The following TMEM182 variants were observed in gnomAD, a reference collection of about 807,000 sequenced individuals.
TMEM182 encodes transmembrane protein 182.
TMEM182 carries 20 observed loss-of-function variants against 26.8 expected under a neutral mutation model. That is an observed-to-expected ratio of 0.75 (90% CI 0.53 to 1.09). The LOEUF is 1.09. Among genes scored for constraint, TMEM182 ranks in the 50% least tolerant of loss-of-function variants. The pLI is 0.00. For synonymous variants in TMEM182, 109 were observed against 102.2 expected, an observed-to-expected ratio of 1.07 and a Z score of -0.40; for missense variants, 277 against 275.5, an observed-to-expected ratio of 1.01 and a Z score of -0.04.
chr2:102,838,584 G>T (rs550476937), intron 3 of TMEM182, among the ~76,000 whole-genome samples: 1 of 152,204 alleles, frequency 6.6e-6, no homozygotes, highest in East Asian at 1.9e-4. Context: ...TTCCTAATGG[G>T]GTGCCCCTTT....
At chr2:102,797,753 T>C (rs1461127913) in intron 3 of TMEM182, 110 bp from the exon 4 acceptor site, 31 of 1,336,716 alleles carry the variant, frequency 2.3e-5, no homozygotes, top group Middle Eastern at 5.4e-4. Flanking sequence ...AGCAGTGCCA[T>C]AGCTGAAATT....
intron 4 of TMEM182, among the ~76,000 whole-genome samples, chr2:102,814,146 C>T (rs1000791584): frequency 2.6e-5 from 4 of 151,052 alleles, no homozygotes; most frequent in Non-Finnish European, 4.4e-5. Context: ...TATGTTTGTT[C>T]AGTGTTTTCA....
intron 4 of TMEM182, among the ~76,000 whole-genome samples, chr2:102,806,369 C>T (rs896206564): frequency 3.3e-5 from 5 of 152,134 alleles, no homozygotes; most frequent in Non-Finnish European, 5.9e-5. Context: ...TCAATACGAA[C>T]GAGCTTGAGC....
chr2:102,842,035 C>T (rs1466337541), intron 3 of TMEM182, among the ~76,000 whole-genome samples: 2 of 152,048 alleles, frequency 1.3e-5, no homozygotes, highest in African/African-American at 2.4e-5. Context: ...ATTTCATTAT[C>T]GTTCTAATAT....
At position 102,815,119 on chromosome 2, in the gene TMEM182, A is replaced by G. The variant is rs1455386839; in HGVS notation, c.*151A>G. ...TCATTTTACTAAAATTTTCTTCAGT[A>G]AGAAGGTCCTAGAATCTCTCCAGAC... On this transcript the variant is annotated 3_prime_UTR_variant, in exon 5 of 5. Transcript: ENST00000412401. 1.4e-6 allele frequency: 2 copies of G among 1,439,920 alleles called. No homozygotes were observed. Among genetic ancestry groups the G allele is most frequent in the Non-Finnish European group, 1.8e-6 (2 of 1,105,486 alleles). The allele number at this position is 1,439,920 out of a possible 1,614,324, so 89.2% of individuals were successfully genotyped here.
chr2:102,821,880 C>T (rs183096995), downstream of TMEM182, among the ~76,000 whole-genome samples: 1,596 of 151,240 alleles, frequency 0.011, 28 homozygotes, highest in African/African-American at 0.031. Flanking sequence ...CCCAGCTACT[C>T]GGGAGGCTGA....
chr2:102,786,075 A>T (rs1272387797), intron 3 of TMEM182, among the ~76,000 whole-genome samples: 17 of 149,248 alleles, frequency 1.1e-4, no homozygotes, highest in Admixed American at 1.1e-3. Flanking sequence ...AAATCAGTGA[A>T]TGAGGAAATT....
chr2:102,839,447 CTATA>C (rs10691405), intron 3 of TMEM182, among the ~76,000 whole-genome samples: 1,571 of 134,398 alleles, frequency 0.012, 46 homozygotes, highest in African/African-American at 0.041. Flanking sequence ...TGATGTTTTG[CTATA>C]TATATATATA....
chr2:102,823,535 A>G (rs1214713995), intron 3 of TMEM182, among the ~76,000 whole-genome samples: 2 of 151,856 alleles, frequency 1.3e-5, no homozygotes, highest in East Asian at 3.9e-4. Context: ...GGGTTTCACT[A>G]TGTTGGCCAG....
At position 102,764,367 on chromosome 2, in the gene TMEM182, C is replaced by A; in HGVS notation, c.271C>A (p.Leu91Met). 5.0e-6 allele frequency: 8 copies of A among 1,613,994 alleles called. No individual in the cohort carries two copies. The highest frequency in any genetic ancestry group is 6.8e-6 in the Non-Finnish European group (8 of 1,179,926). The change falls in exon 3 of 5, where the codon CTG (leucine) becomes ATG (methionine). Residue 91 changes from leucine (L) to methionine (M), a missense_variant. Leu to Met is a conservative substitution (Grantham distance 15, BLOSUM62 2). Coordinates refer to ENST00000412401, the MANE Select transcript of TMEM182 (RefSeq NM_144632.5). Reference sequence around the variant, plus strand: ...GTCCAAGAACTGCACACATGCTTACCTGTCTCCGTACCCCTTCATGAGAGG... The same window carrying A: ...GTCCAAGAACTGCACACATGCTTACATGTCTCCGTACCCCTTCATGAGAGG... ...PPSKNCTHAY[L>M]SPYPFMRGEH...
chr2:102,816,901 T>G lies in TMEM182; in HGVS notation c.*1933T>G. The G allele has an allele frequency of 1.0e-6, 1 of 985,748 alleles. No individual in the cohort carries two copies. The highest frequency in any genetic ancestry group is 1.2e-6 in the Non-Finnish European group (1 of 829,824). 61.1% of individuals were successfully genotyped at this position (985,748 alleles called of 1,614,324 possible). A position where few individuals can be genotyped will look rare whatever the true frequency, so the allele number is the denominator to read the frequency against. On this transcript the variant is annotated 3_prime_UTR_variant, in exon 5 of 5. Transcript: ENST00000412401. Reference sequence around the variant, plus strand: ...GCTGCTTTCGGCAAAGGCTTGAATATTTATAAATTTCAGATGGTTATCCTC... The same window carrying G: ...GCTGCTTTCGGCAAAGGCTTGAATAGTTATAAATTTCAGATGGTTATCCTC...
At chr2:102,748,537 C>G (rs1311728530) in intron 1 of TMEM182, among the ~76,000 whole-genome samples, 1 of 152,170 alleles carries the variant, frequency 6.6e-6, no homozygotes, top group Admixed American at 6.5e-5. Context: ...CTAAAGTTAT[C>G]TTTTGTTAAT....
At chr2:102,763,564 A>C (rs1324828762) in intron 2 of TMEM182, among the ~76,000 whole-genome samples, 2 of 152,210 alleles carry the variant, frequency 1.3e-5, no homozygotes, top group Admixed American at 6.5e-5. Flanking sequence ...GGCATATATA[A>C]GGAACAAAGT....
intron 3 of TMEM182, among the ~76,000 whole-genome samples, chr2:102,792,315 T>A (rs1019289252): frequency 5.3e-5 from 8 of 152,166 alleles, no homozygotes; most frequent in Non-Finnish European, 8.8e-5. Flanking sequence ...ATGCAGCCGC[T>A]TTTCATATAT....
Position 102,805,159 on chromosome 2 carries a change from T to G in TMEM182, c.469+7159T>G, listed in dbSNP as rs1167454880. Among the ~76,000 whole-genome samples, 3 of 152,238 alleles carry G rather than the reference T, an allele frequency of 2.0e-5. No individual in the cohort carries two copies. The East Asian group carries it at 5.8e-4, about 29-fold the overall frequency. On this transcript the variant is annotated intron_variant, in intron 4 of 4. Transcript: ENST00000412401. ...ACAAAAATATTTTAAATGTGATTAC[T>G]TTTCTTTCTCTGATTCTTCCTTGCA... is the stretch of plus-strand genomic sequence containing the variant.
downstream of TMEM182, among the ~76,000 whole-genome samples, chr2:102,818,097 G>T (rs1352802320): frequency 6.6e-6 from 1 of 152,182 alleles, no homozygotes; most frequent in African/African-American, 2.4e-5. Context: ...AAGACCAATG[G>T]TGATGGGGTT....
At chr2:102,817,870 A>G (rs1365638142), downstream of TMEM182, among the ~76,000 whole-genome samples, 2 of 152,210 alleles carry the variant, frequency 1.3e-5, no homozygotes, top group African/African-American at 4.8e-5. Flanking sequence ...TATCTTTGGG[A>G]ACAGCAATCT....
rs998420141 is a variant in TMEM182 at position 102,834,361 on chromosome 2, C to CT, written c.326-9042dup. On this transcript the variant is annotated intron_variant, in intron 3 of 3. Transcript: ENST00000486293. ...TTTTTCTGTATATTGTAACATTTCC[C>CT]TTTTTTTTTCCTTCTGATCTTCTCT... is the stretch of plus-strand genomic sequence containing the variant. The CT allele has an allele frequency of 4.6e-4, 436 of 956,046 alleles. 2 individuals carry two copies. Among genetic ancestry groups the CT allele is most frequent in the Middle Eastern group, 3.2e-3 (6 of 1,856 alleles). 59.2% of individuals were successfully genotyped at this position (956,046 alleles called of 1,614,324 possible). A position where few individuals can be genotyped will look rare whatever the true frequency, so the allele number is the denominator to read the frequency against.
upstream of TMEM182, among the ~76,000 whole-genome samples, chr2:102,761,172 A>C (rs1189212026): frequency 1.3e-5 from 2 of 152,228 alleles, no homozygotes; most frequent in East Asian, 3.8e-4. Flanking sequence ...CTCCTCTGGC[A>C]TATCAGACAG....
Sources: allele counts gnomAD v4.1 joint callset (sites outside exome capture counted in the v4.1 genomes callset), GRCh38; gene constraint gnomAD v4.1.1; transcripts MANE v1.5; gene names NCBI Gene and HGNC (gene_info 2026-07-23, HGNC 2026-07-21).